TNNI3K: variants seen among roughly 807,000 people sequenced by gnomAD.
The protein encoded by TNNI3K is TNNI3 interacting kinase.
Under a neutral mutation model 114.5 loss-of-function variants are expected in TNNI3K, and 140 were observed. The observed-to-expected ratio is 1.22, with a 90% CI of 1.07 to 1.41. The LOEUF (loss-of-function observed/expected upper bound fraction) is 1.41. TNNI3K is among the 40% of genes most tolerant of loss of function. The pLI, the probability that TNNI3K is intolerant of heterozygous loss-of-function variation, is 0.00. For synonymous variants in TNNI3K, 347 were observed against 347.5 expected (o/e 1.00, Z 0.02); for missense variants, 1,125 against 1,007.6 (o/e 1.12, Z -1.58).
intron 20 of TNNI3K, among the ~76,000 whole-genome samples, chr1:74,461,982 G>T (rs576280912): frequency 6.6e-6 from 1 of 152,318 alleles, no homozygotes; most frequent in East Asian, 1.9e-4. Flanking sequence ...TCATTGCTTA[G>T]ATTAATGCTT....
At chr1:74,502,862 T>C (rs1368291244) in intron 23 of TNNI3K, among the ~76,000 whole-genome samples, 2 of 151,896 alleles carry the variant, frequency 1.3e-5, no homozygotes, top group African/African-American at 4.9e-5. Context: ...CTGTATCTTC[T>C]TCAAAACAGC....
At chr1:74,459,485 A>T (rs1374189704) in intron 20 of TNNI3K, among the ~76,000 whole-genome samples, 2 of 151,702 alleles carry the variant, frequency 1.3e-5, no homozygotes, top group African/African-American at 4.9e-5. Context: ...AAAAAGAGGT[A>T]GGGGAGAACA....
intron 18 of TNNI3K, 100 bp downstream of exon 18, chr1:74,436,232 G>A (rs1666123394): frequency 1.4e-6 from 2 of 1,461,206 alleles, no homozygotes; most frequent in African/African-American, 2.8e-5. Flanking sequence ...AACACTGACA[G>A]CTATACTACA....
intron 17 of TNNI3K, among the ~76,000 whole-genome samples, chr1:74,391,997 G>T (rs796545798): frequency 2.7e-5 from 3 of 110,582 alleles, no homozygotes; most frequent in Non-Finnish European, 5.1e-5. Flanking sequence ...ACGGAGTCTC[G>T]CTCTGTCGCC....
intron 17 of TNNI3K, among the ~76,000 whole-genome samples, chr1:74,376,005 T>C (rs115506478): frequency 0.021 from 3,211 of 152,048 alleles, 45 homozygotes; most frequent in Non-Finnish European, 0.033. Context: ...TTTTTGACTG[T>C]CAGCTTATTC....
intron 23 of TNNI3K, among the ~76,000 whole-genome samples, chr1:74,497,188 C>T (rs1372554973): frequency 1.3e-5 from 2 of 152,096 alleles, no homozygotes; most frequent in East Asian, 1.9e-4. Flanking sequence ...AAGATGATAG[C>T]ACCATGACAC....
chr1:74,236,303 A>G, intron 2 of TNNI3K, 93 bp downstream of exon 2: 1 of 1,093,452 alleles, frequency 9.1e-7, no homozygotes. Flanking sequence ...AACCCGTAGA[A>G]CCTCAGACAT....
chr1:74,329,101 G>A (rs1179206609), intron 5 of TNNI3K, among the ~76,000 whole-genome samples: 3 of 152,052 alleles, frequency 2.0e-5, no homozygotes, highest in Admixed American at 6.5e-5. Flanking sequence ...TTACTTAAAG[G>A]TTAGTGTTAA....
chr1:74,415,728 A>T (rs1462214047), intron 17 of TNNI3K, among the ~76,000 whole-genome samples: 2 of 146,272 alleles, frequency 1.4e-5, no homozygotes, highest in Admixed American at 6.7e-5. Flanking sequence ...TATAGACTAA[A>T]TTTTCTTTGT....
At chr1:74,249,685 T>G (rs1159280639) in intron 3 of TNNI3K, 141 bp downstream of exon 3, 9 of 684,440 alleles carry the variant, frequency 1.3e-5, no homozygotes, top group Non-Finnish European at 2.0e-5. Context: ...CTTGATAATC[T>G]CAGTTTAGGC....
intron 5 of TNNI3K, among the ~76,000 whole-genome samples, chr1:74,313,880 G>A (rs1032507993): frequency 2.6e-5 from 4 of 151,810 alleles, no homozygotes; most frequent in African/African-American, 9.7e-5. Context: ...TGTTATTGAT[G>A]AGAAAAACAG....
At chr1:74,540,010 G>A (rs930621777) in intron 23 of TNNI3K, among the ~76,000 whole-genome samples, 9 of 152,090 alleles carry the variant, frequency 5.9e-5, no homozygotes, top group Admixed American at 2.0e-4. Context: ...AGGTTATACC[G>A]CTAGAAATTG....
intron 5 of TNNI3K, among the ~76,000 whole-genome samples, chr1:74,274,632 A>G (rs1262198850): frequency 6.6e-6 from 1 of 152,090 alleles, no homozygotes; most frequent in Non-Finnish European, 1.5e-5. Context: ...TAAAACAGCA[A>G]TATAGTTATA....
At chr1:74,524,216 G>GGCAT (rs1646472265) in intron 23 of TNNI3K, among the ~76,000 whole-genome samples, 1 of 152,220 alleles carries the variant, frequency 6.6e-6, no homozygotes, top group Admixed American at 6.5e-5. Flanking sequence ...ACCATCAGAA[G>GGCAT]TATTTAGAGG....
chr1:74,434,156 GTGCC>G (rs1419538754), intron 17 of TNNI3K, among the ~76,000 whole-genome samples: 1 of 151,958 alleles, frequency 6.6e-6, no homozygotes, highest in African/African-American at 2.4e-5. Flanking sequence ...ACCTGTACTA[GTGCC>G]TTCTACATCC....
chr1:74,337,136 C>T (rs1425180772), intron 7 of TNNI3K, among the ~76,000 whole-genome samples: 3 of 151,954 alleles, frequency 2.0e-5, no homozygotes, highest in Admixed American at 6.6e-5. Context: ...TTTTTGGCTG[C>T]ATAAATGTCT....
intron 21 of TNNI3K, chr1:74,480,692 A>T (rs563775522): frequency 4.3e-4 from 308 of 717,402 alleles, no homozygotes; most frequent in African/African-American, 1.4e-3. Context: ...AGACCCTCGT[A>T]GGGTGCGGAG....
Position 74,253,624 on chromosome 1 carries a change from C to T in TNNI3K, c.333+2855C>T, listed in dbSNP as rs1038650075. Among the ~76,000 whole-genome samples the T allele has an allele frequency of 9.2e-5, 14 of 152,230 alleles. No homozygotes were observed. In the South Asian group the frequency reaches 2.3e-3, roughly 25 times the overall value. On this transcript the variant is annotated intron_variant, in intron 4 of 24. Coordinates refer to ENST00000326637, the MANE Select transcript of TNNI3K (RefSeq NM_015978.3). ...ACTGCCCGGAGCCGGCAGGACTGGCCGGCCGCTCGGAGTGCGGGCCCGCCA... is the reference window on the plus strand; with the variant it reads ...ACTGCCCGGAGCCGGCAGGACTGGCTGGCCGCTCGGAGTGCGGGCCCGCCA...
intron 17 of TNNI3K, among the ~76,000 whole-genome samples, chr1:74,408,644 C>A (rs1415782193): frequency 7.2e-5 from 11 of 152,160 alleles, no homozygotes; most frequent in Admixed American, 7.2e-4. Context: ...ATTCTGGGTT[C>A]CCTGTTGATC....
Sources: gnomAD v4.1 joint callset for allele counts (sites outside exome capture counted in the v4.1 genomes callset) on GRCh38, gnomAD v4.1.1 for gene constraint, MANE v1.5 for transcripts, NCBI Gene and HGNC (gene_info 2026-07-23, HGNC 2026-07-21) for gene names.